MBOAT1: variants seen among roughly 807,000 people sequenced by gnomAD.
MBOAT1 encodes membrane bound glycerophospholipid O-acyltransferase 1, also known as membrane-bound glycerophospholipid O-acyltransferase 1.
A neutral mutation model predicts 64.4 loss-of-function variants in MBOAT1; 67 were observed. The observed-to-expected ratio is 1.04, with a 90% CI of 0.85 to 1.27. The LOEUF (loss-of-function observed/expected upper bound fraction) is 1.27. Among genes scored for constraint, MBOAT1 ranks in the 50% most tolerant of loss-of-function variants. The pLI is 0.00. For missense variants in MBOAT1, 563 were observed against 604.6 expected, an observed-to-expected ratio of 0.93 and a Z score of 0.72; for synonymous variants, 229 against 218.9, an observed-to-expected ratio of 1.05 and a Z score of -0.41.
intron 7 of MBOAT1, chr6:20,125,954 T>C: frequency 2.5e-6 from 1 of 394,202 alleles, no homozygotes; most frequent in Non-Finnish European, 4.9e-6. Context: ...ATTTGTAAAG[T>C]TCAATGAGTT....
At chr6:20,158,200 T>C (rs1349155218) in intron 1 of MBOAT1, among the ~76,000 whole-genome samples, 2 of 142,758 alleles carry the variant, frequency 1.4e-5, no homozygotes, top group Admixed American at 6.9e-5. Flanking sequence ...TGAAAATATA[T>C]ACCATGATTA....
chr6:20,210,940 T>C (rs1281886386), intron 1 of MBOAT1, among the ~76,000 whole-genome samples: 2 of 152,070 alleles, frequency 1.3e-5, no homozygotes, highest in Non-Finnish European at 2.9e-5. Context: ...CGCCTCTGCC[T>C]GGGTCCCTGG....
intron 1 of MBOAT1, among the ~76,000 whole-genome samples, chr6:20,186,016 TA>T (rs916457153): frequency 2.6e-5 from 4 of 151,902 alleles, no homozygotes; most frequent in Non-Finnish European, 4.4e-5. Context: ...ACCTTGCCTC[TA>T]AAAAAAATAC....
Position 20,128,769 on chromosome 6 carries a change from G to A in MBOAT1, c.476-16C>T. 2.5e-6 allele frequency: 4 copies of A among 1,580,110 alleles called. No individual in the cohort carries two copies. The highest frequency in any genetic ancestry group is 3.4e-6 in the Non-Finnish European group (4 of 1,162,580). On this transcript the variant is annotated splice_polypyrimidine_tract_variant and intron_variant, in intron 5 of 12. Transcript: ENST00000324607. ...CGACCTAATCCTATGAAAAAGAAAA[G>A]AATTTAGAAATAAGATGTTTGAAGT...
At chr6:20,200,679 G>T (rs1370006439) in intron 1 of MBOAT1, among the ~76,000 whole-genome samples, 1 of 152,062 alleles carries the variant, frequency 6.6e-6, no homozygotes, top group Non-Finnish European at 1.5e-5. Context: ...ACTGTAAGTA[G>T]CACTCCGGAG....
intron 9 of MBOAT1, among the ~76,000 whole-genome samples, 171 bp downstream of exon 9, chr6:20,118,266 A>C (rs1235295341): frequency 6.6e-6 from 1 of 151,866 alleles, no homozygotes; most frequent in Non-Finnish European, 1.5e-5. Context: ...AAAAAAAGAC[A>C]GAAAAAAACA....
At chr6:20,171,448 G>C (rs956330758) in intron 1 of MBOAT1, among the ~76,000 whole-genome samples, 1 of 151,574 alleles carries the variant, frequency 6.6e-6, no homozygotes, top group Non-Finnish European at 1.5e-5. Flanking sequence ...AGCTACTCAG[G>C]AGGCTGAGGC....
At chr6:20,103,870 T>A (rs1326357334) in intron 12 of MBOAT1, among the ~76,000 whole-genome samples, 1 of 152,238 alleles carries the variant, frequency 6.6e-6, no homozygotes, top group Non-Finnish European at 1.5e-5. Flanking sequence ...TAGTACAGAC[T>A]AAGTGTATGG....
In MBOAT1 at chr6:20,193,389, A is replaced by G. The variant is rs188154272; in HGVS notation, c.99+18747T>C. The stretch of plus-strand genomic sequence containing the variant: ...TAGTATGATTCTGTAATAAGGAGAG[A>G]CTGAATCCGGTACCTGAGAGGCAGA... On this transcript the variant is annotated intron_variant, in intron 1 of 12. Transcript: ENST00000324607. 1.2e-4 allele frequency among the ~76,000 whole-genome samples: 18 copies of G among 152,176 alleles called. No individual in the cohort carries two copies. In the East Asian group the frequency reaches 1.7e-3, roughly 15 times the overall value.
At chr6:20,166,342 T>A (rs1762014806) in intron 1 of MBOAT1, among the ~76,000 whole-genome samples, 1 of 152,116 alleles carries the variant, frequency 6.6e-6, no homozygotes, top group South Asian at 2.1e-4. Flanking sequence ...CTCCATTCCC[T>A]AGGAGGGAAA....
Position 20,111,972 on chromosome 6 carries a change from G to A in MBOAT1, c.1209+904C>T, listed in dbSNP as rs578021312. On this transcript the variant is annotated intron_variant, in intron 11 of 12. Coordinates refer to ENST00000324607, the MANE Select transcript of MBOAT1 (RefSeq NM_001080480.3). ...GTCTTGTTCACTGTGGTATCCCAGC[G>A]CCTAGAACACTGACTAGCACACAGT... is the stretch of plus-strand genomic sequence containing the variant. Among the ~76,000 whole-genome samples, 9 of 148,636 alleles carry A rather than the reference G, an allele frequency of 6.1e-5. No homozygotes were observed. In the South Asian group the frequency reaches 8.5e-4, roughly 14 times the overall value.
chr6:20,210,858 A>C (rs1375173026), intron 1 of MBOAT1, among the ~76,000 whole-genome samples: 6 of 152,074 alleles, frequency 3.9e-5, no homozygotes, highest in Non-Finnish European at 8.8e-5. Context: ...TAAGTACAAA[A>C]CAAACTCCCC....
chr6:20,141,364 T>C (rs1296084725), intron 4 of MBOAT1, among the ~76,000 whole-genome samples: 8 of 95,150 alleles, frequency 8.4e-5, no homozygotes, highest in Middle Eastern at 4.2e-3. Context: ...TTTTTCTTTT[T>C]TTTTTTTTTT....
At chr6:20,205,993 C>T (rs914800592) in intron 1 of MBOAT1, among the ~76,000 whole-genome samples, 8 of 152,210 alleles carry the variant, frequency 5.3e-5, no homozygotes, top group South Asian at 2.1e-4. Context: ...CCACGTGCTG[C>T]CCCTAACTTC....
intron 9 of MBOAT1, among the ~76,000 whole-genome samples, chr6:20,118,103 A>C (rs1213188273): frequency 1.3e-5 from 2 of 152,238 alleles, no homozygotes; most frequent in East Asian, 3.8e-4. Context: ...TGAAATAGGT[A>C]GAAAGAGAAG....
At chr6:20,211,995 C>CACAT (rs1763439251) in intron 1 of MBOAT1, 141 bp downstream of exon 1, 1 of 671,954 alleles carries the variant, frequency 1.5e-6, no homozygotes, top group South Asian at 1.8e-5. Context: ...CACACACACA[C>CACAT]ACACACACAA....
intron 1 of MBOAT1, among the ~76,000 whole-genome samples, chr6:20,178,723 G>A (rs940744441): frequency 6.6e-5 from 10 of 152,162 alleles, no homozygotes; most frequent in Non-Finnish European, 1.5e-4. Flanking sequence ...GAGTCAGAGT[G>A]AAGACATTCA....
chr6:20,116,559 A>C (rs1760325596), intron 9 of MBOAT1, among the ~76,000 whole-genome samples: 1 of 152,140 alleles, frequency 6.6e-6, no homozygotes. Context: ...TAGATGTAAA[A>C]TAGATCTTTT....
chr6:20,129,524 A>G (rs1362408765), intron 5 of MBOAT1, among the ~76,000 whole-genome samples: 1 of 152,102 alleles, frequency 6.6e-6, no homozygotes, highest in Admixed American at 6.5e-5. Context: ...AGGAGGCAGA[A>G]TATTTCTGGA....
Sources: gnomAD v4.1 joint callset for allele counts (sites outside exome capture counted in the v4.1 genomes callset) on GRCh38, gnomAD v4.1.1 for gene constraint, MANE v1.5 for transcripts, NCBI Gene and HGNC (gene_info 2026-07-23, HGNC 2026-07-21) for gene names.